The following OSBPL10 variants were observed in gnomAD, a reference collection of about 807,000 sequenced individuals.
OSBPL10 encodes oxysterol-binding protein-related protein 10.
A neutral mutation model predicts 81.7 loss-of-function variants in OSBPL10; 49 were observed. The ratio of observed to expected loss-of-function variants is 0.60; its 90% CI spans 0.48 to 0.76. The LOEUF is 0.76. Ranked by LOEUF, OSBPL10 falls within the 30% of genes least tolerant of loss-of-function variation. The probability of loss-of-function intolerance (pLI) is 0.00; values close to 1 mark genes in which losing one functional copy is unlikely to be tolerated. For synonymous variants in OSBPL10, 419 were observed against 383.6 expected (o/e 1.09, Z -1.08); for missense variants, 923 against 987.8 (o/e 0.93, Z 0.88).
intron 8 of OSBPL10, among the ~76,000 whole-genome samples, chr3:31,678,087 CAA>C (rs1174037204): frequency 1.9e-3 from 144 of 76,646 alleles, no homozygotes; most frequent in African/African-American, 7.6e-3. Context: ...GACTCCGTCT[CAA>C]AAAAAAAAAA....
intron 4 of OSBPL10, among the ~76,000 whole-genome samples, chr3:31,751,834 G>T (rs768405029): frequency 6.6e-6 from 1 of 152,112 alleles, no homozygotes; most frequent in South Asian, 2.1e-4. Flanking sequence ...TTCACTTTAC[G>T]TTAGCTTCAT....
chr3:32,054,695 CTAAGT>C (rs1386418358), intron 1 of OSBPL10, among the ~76,000 whole-genome samples: 2 of 151,864 alleles, frequency 1.3e-5, no homozygotes, highest in African/African-American at 4.8e-5. Context: ...CTACGCCCAG[CTAAGT>C]TTTGTATTTT....
chr3:31,675,860 G>A (rs1160162915), intron 8 of OSBPL10, among the ~76,000 whole-genome samples: 1 of 151,118 alleles, frequency 6.6e-6, no homozygotes, highest in Non-Finnish European at 1.5e-5. Context: ...GCAGGAGAAT[G>A]GCGTGAACCT....
At chr3:31,871,650 C>G in intron 3 of OSBPL10, among the ~76,000 whole-genome samples, 2 of 152,302 alleles carry the variant, frequency 1.3e-5, no homozygotes, top group South Asian at 4.1e-4. Context: ...GCAGGAGGAT[C>G]GCTTGAGCCC....
At chr3:32,028,476 C>T (rs987574268) in intron 2 of OSBPL10, among the ~76,000 whole-genome samples, 3 of 152,154 alleles carry the variant, frequency 2.0e-5, no homozygotes, top group African/African-American at 4.8e-5. Context: ...AGCCATCAAT[C>T]ACAGAATAGA....
intron 1 of OSBPL10, among the ~76,000 whole-genome samples, chr3:31,951,993 A>G (rs1697884915): frequency 6.6e-6 from 1 of 152,210 alleles, no homozygotes; most frequent in African/African-American, 2.4e-5. Flanking sequence ...AACTCCTACT[A>G]TAATCTGTGC....
At chr3:31,902,554 C>T (rs894168362) in intron 1 of OSBPL10, among the ~76,000 whole-genome samples, 1 of 151,858 alleles carries the variant, frequency 6.6e-6, no homozygotes, top group African/African-American at 2.4e-5. Flanking sequence ...TGAGCCACTG[C>T]GCCCAGCCTT....
intron 1 of OSBPL10, among the ~76,000 whole-genome samples, chr3:31,959,453 T>A (rs1049803279): frequency 9.8e-5 from 15 of 152,302 alleles, no homozygotes; most frequent in Admixed American, 6.5e-4. Flanking sequence ...AGATAAGATA[T>A]CCCAAACACA....
At chr3:32,069,422 T>G (rs80086740) in intron 1 of OSBPL10, among the ~76,000 whole-genome samples, 1 of 152,106 alleles carries the variant, frequency 6.6e-6, no homozygotes, top group Non-Finnish European at 1.5e-5. Flanking sequence ...CATGGTTTCC[T>G]GCCTAGTTGA....
rs371720660 is a variant in OSBPL10, at chr3:31,843,747, G to A, written c.538-13516C>T. ...GAGCTACATTGAGGAATACAGAGACGCATTTCCAGACAAAGGACCAATCTA... is the reference window on the plus strand; with the variant it reads ...GAGCTACATTGAGGAATACAGAGACACATTTCCAGACAAAGGACCAATCTA... On this transcript the variant is annotated intron_variant, in intron 3 of 11. Transcript: ENST00000396556. Among the ~76,000 whole-genome samples, 67 of 152,266 alleles carry A rather than the reference G, an allele frequency of 4.4e-4. No homozygotes were observed. The South Asian group carries it at 8.9e-3, about 20-fold the overall frequency.
At chr3:31,675,730 G>A (rs563608102) in intron 8 of OSBPL10, among the ~76,000 whole-genome samples, 35 of 151,892 alleles carry the variant, frequency 2.3e-4, no homozygotes, top group African/African-American at 8.2e-4. Context: ...TGGATCACGA[G>A]GTCAGGAGAT....
intron 5 of OSBPL10, among the ~76,000 whole-genome samples, chr3:31,736,014 C>T (rs938620016): frequency 1.1e-4 from 17 of 152,104 alleles, no homozygotes; most frequent in African/African-American, 4.1e-4. Flanking sequence ...AGACAGAAAA[C>T]TTTAAGAAGA....
In OSBPL10 at chr3:31,886,629, G is replaced by A. The variant is rs1695744158; in HGVS notation, c.282-6799C>T. 2.0e-5 allele frequency among the ~76,000 whole-genome samples: 3 copies of A among 152,168 alleles called. No individual in the cohort carries two copies. The South Asian group carries it at 6.2e-4, about 32-fold the overall frequency. On this transcript the variant is annotated intron_variant, in intron 1 of 11. Coordinates refer to ENST00000396556, the MANE Select transcript of OSBPL10 (RefSeq NM_017784.5). ...TCTCGTCCTGACCAATGGCAACTAT[G>A]CCATGTTCTTCAGCTTAAGACCCTT...
intron 3 of OSBPL10, among the ~76,000 whole-genome samples, chr3:31,871,524 C>T (rs1701325809): frequency 6.6e-6 from 1 of 152,226 alleles, no homozygotes; most frequent in Admixed American, 6.5e-5. Flanking sequence ...TCCGGACACA[C>T]TGTAACACCA....
chr3:31,827,558 T>A (rs969718830), intron 4 of OSBPL10, among the ~76,000 whole-genome samples: 2 of 151,622 alleles, frequency 1.3e-5, no homozygotes, highest in African/African-American at 4.9e-5. Flanking sequence ...ATGGCATGAA[T>A]CCGGGAGGCA....
chr3:31,871,807 G>C (rs7643089), intron 3 of OSBPL10, among the ~76,000 whole-genome samples: 81,946 of 152,008 alleles, frequency 0.54, 24,711 homozygotes, highest in African/African-American at 0.83. Flanking sequence ...CAAGGCTGTA[G>C]CACTGATTGC....
intron 3 of OSBPL10, among the ~76,000 whole-genome samples, chr3:31,857,995 C>CTG (rs1436157083): frequency 2.0e-4 from 17 of 84,576 alleles, no homozygotes; most frequent in African/African-American, 7.9e-4. Flanking sequence ...TCCCCACAGC[C>CTG]TGTGTTTTTT....
At chr3:31,817,045 C>G (rs1236351391) in intron 4 of OSBPL10, among the ~76,000 whole-genome samples, 1 of 152,214 alleles carries the variant, frequency 6.6e-6, no homozygotes, top group Non-Finnish European at 1.5e-5. Context: ...TGGCCATCCT[C>G]TCCCTGCTCT....
intron 1 of OSBPL10, among the ~76,000 whole-genome samples, chr3:31,881,096 T>C (rs1200078501): frequency 6.6e-6 from 1 of 152,246 alleles, no homozygotes. Flanking sequence ...ATATTCTTTC[T>C]TGCAGCACTT....
Sources: allele counts gnomAD v4.1 joint callset (sites outside exome capture counted in the v4.1 genomes callset), GRCh38; gene constraint gnomAD v4.1.1; transcripts MANE v1.5; gene names NCBI Gene and HGNC (gene_info 2026-07-23, HGNC 2026-07-21).